Variants in ANK3 observed in about 807,000 individuals in gnomAD.
ANK3 encodes ankyrin 3.
Under a neutral mutation model 370.9 loss-of-function variants are expected in ANK3, and 57 were observed. That is an observed-to-expected ratio of 0.15 (90% CI 0.12 to 0.19). ANK3 has a LOEUF of 0.19. Ranked by LOEUF, ANK3 falls within the 10% of genes least tolerant of loss-of-function variation. The pLI, the probability that ANK3 is intolerant of heterozygous loss-of-function variation, is 1.00. For synonymous variants in ANK3, 1,929 were observed against 1,946.3 expected (o/e 0.99, Z 0.23); for missense variants, 4,439 against 5,302.1 (o/e 0.84, Z 5.06).
At chr10:60,465,789 C>CTT (rs1205787609) in intron 2 of ANK3, among the ~76,000 whole-genome samples, 481 of 109,694 alleles carry the variant, frequency 4.4e-3, no homozygotes, top group African/African-American at 0.015. Flanking sequence ...TTTTTTCTTT[C>CTT]TTTTTTTTTT....
At chr10:60,279,721 T>C in intron 1 of ANK3, 82 bp from the exon 2 acceptor site, 1 of 1,017,626 alleles carries the variant, frequency 9.8e-7, no homozygotes, top group South Asian at 1.5e-5. Context: ...AGGTCCAAAC[T>C]AAAATAATTG....
intron 2 of ANK3, among the ~76,000 whole-genome samples, chr10:60,589,906 A>G (rs1164057254): frequency 6.6e-6 from 1 of 152,110 alleles, no homozygotes; most frequent in East Asian, 1.9e-4. Context: ...CTTCCTTTCA[A>G]TTTCCACAAT....
At chr10:60,679,532 T>C (rs1319525533) in intron 1 of ANK3, among the ~76,000 whole-genome samples, 1 of 152,076 alleles carries the variant, frequency 6.6e-6, no homozygotes. Flanking sequence ...ATGACCTTCT[T>C]CTGGGAATGC....
chr10:60,116,572 A>G (rs2093101973), intron 25 of ANK3, among the ~76,000 whole-genome samples: 1 of 147,408 alleles, frequency 6.8e-6, no homozygotes, highest in South Asian at 2.2e-4. Flanking sequence ...TTTTACACCT[A>G]TGAAACAATA....
chr10:60,274,809 A>T (rs1341973419), intron 4 of ANK3, among the ~76,000 whole-genome samples: 1 of 152,222 alleles, frequency 6.6e-6, no homozygotes, highest in East Asian at 1.9e-4. Context: ...TAATTCAAGT[A>T]ACACCCCAAA....
chr10:60,586,750 T>C (rs546423656), intron 2 of ANK3, among the ~76,000 whole-genome samples: 3 of 152,330 alleles, frequency 2.0e-5, no homozygotes, highest in South Asian at 4.1e-4. Context: ...ACATGACTAA[T>C]TCTCACTAAT....
chr10:60,284,993 T>C (rs1431964843), intron 1 of ANK3, among the ~76,000 whole-genome samples: 3 of 151,854 alleles, frequency 2.0e-5, no homozygotes, highest in South Asian at 2.1e-4. Flanking sequence ...AAACCAAAAA[T>C]ACAAAAAAGT....
chr10:60,454,811 C>A (rs2064705223), intron 2 of ANK3, among the ~76,000 whole-genome samples: 1 of 152,184 alleles, frequency 6.6e-6, no homozygotes, highest in Admixed American at 6.6e-5. Flanking sequence ...TGGAAAAATT[C>A]AGTCACAAAA....
chr10:60,312,541 C>T lies in ANK3; in HGVS notation c.115-32902G>A, dbSNP rs117605046. On this transcript the variant is annotated intron_variant, in intron 1 of 43. Coordinates refer to ENST00000280772, the MANE Select transcript of ANK3 (RefSeq NM_020987.5). Reference sequence around the variant, plus strand: ...CATTGTCAAGTCATAGCAATTCTGTCTTGCCTTCCAACTATCAAACATTGA... The same window carrying T: ...CATTGTCAAGTCATAGCAATTCTGTTTTGCCTTCCAACTATCAAACATTGA... 2.0e-5 allele frequency among the ~76,000 whole-genome samples: 3 copies of T among 152,278 alleles called. No homozygotes were observed. The East Asian group carries it at 5.8e-4, about 29-fold the overall frequency.
chr10:60,546,905 G>A (rs994736849), intron 2 of ANK3, among the ~76,000 whole-genome samples: 1 of 151,956 alleles, frequency 6.6e-6, no homozygotes, highest in African/African-American at 2.4e-5. Context: ...ATTCCATAAG[G>A]TAGATAATAT....
intron 2 of ANK3, among the ~76,000 whole-genome samples, chr10:60,442,015 C>T (rs1434276005): frequency 6.6e-6 from 1 of 151,962 alleles, no homozygotes; most frequent in Non-Finnish European, 1.5e-5. Context: ...CCCCTGCAGA[C>T]CCCAAAATTC....
chr10:60,713,920 T>G (rs997211642), intron 1 of ANK3, among the ~76,000 whole-genome samples: 10 of 149,294 alleles, frequency 6.7e-5, no homozygotes, highest in African/African-American at 2.5e-4. Flanking sequence ...AAATTGAAAA[T>G]GGGAAATCGA....
intron 1 of ANK3, among the ~76,000 whole-genome samples, chr10:60,711,377 A>T (rs2079703591): frequency 6.8e-6 from 1 of 147,988 alleles, no homozygotes; most frequent in Non-Finnish European, 1.5e-5. Flanking sequence ...AAATTGAATA[A>T]AAATAAATAA....
chr10:60,071,488 G>T lies in ANK3; in HGVS notation c.9393C>A (p.Thr3131=). The T allele has an allele frequency of 6.2e-7, 1 of 1,613,784 alleles. No individual in the cohort carries two copies. Residue 3131 remains threonine (T), a synonymous_variant, in exon 37 of 44, where the codon ACC becomes ACA. Transcript: ENST00000280772. ...ECKTVQETRG[T]FYTTRQQKQP... Reference sequence around the variant, plus strand: ...GCTTTTGCTGTCTAGTTGTATAAAAGGTCCCCCTGGTTTCTTGTACTGTCT... The same window carrying T: ...GCTTTTGCTGTCTAGTTGTATAAAATGTCCCCCTGGTTTCTTGTACTGTCT...
rs551643246 is a variant in ANK3, at chr10:60,075,237, G to A, written c.5644C>T (p.Leu1882Phe). 6.2e-7 allele frequency: 1 copy of A among 1,614,162 alleles called. No homozygotes were observed. The highest frequency in any genetic ancestry group is 1.7e-5 in the Admixed American group (1 of 60,028). The change falls in exon 37 of 44, where the codon CTT becomes TTT. Residue 1882 changes from leucine to phenylalanine, a missense_variant. By Grantham distance (22) the Leu-to-Phe change is conservative. Around this residue, in one of 13 missense-constraint regions of ANK3, gnomAD observed 679 missense variants for 791.0 expected, o/e 0.86. Coordinates refer to ENST00000280772, the MANE Select transcript of ANK3 (RefSeq NM_020987.5). ...GACAACTTAAGGGCAGAGGGTGCAA[G>A]GAACAAAGATGACTTAACTGGAGAT... ...TSSPVKSSLF[L>F]APSALKLSTP...
chr10:60,697,107 C>A (rs1461003587), intron 1 of ANK3, among the ~76,000 whole-genome samples: 5 of 151,864 alleles, frequency 3.3e-5, no homozygotes, highest in African/African-American at 1.2e-4. Context: ...TATACACCAA[C>A]AACAGACAAA....
chr10:60,496,763 T>G (rs2075668513), intron 2 of ANK3, among the ~76,000 whole-genome samples: 1 of 151,276 alleles, frequency 6.6e-6, no homozygotes, highest in South Asian at 2.1e-4. Context: ...TCACCCTAAT[T>G]TACAAAGGAG....
intron 2 of ANK3, among the ~76,000 whole-genome samples, chr10:60,518,179 C>T: frequency 6.6e-6 from 1 of 152,118 alleles, no homozygotes; most frequent in East Asian, 1.9e-4. Flanking sequence ...TTCCATGCTG[C>T]CAGAAGTTTC....
chr10:60,558,109 C>T (rs1317390405), intron 2 of ANK3, among the ~76,000 whole-genome samples: 2 of 152,104 alleles, frequency 1.3e-5, no homozygotes, highest in South Asian at 2.1e-4. Flanking sequence ...ATGCAGCAAA[C>T]CCCACCTATT....
Sources: allele counts gnomAD v4.1 joint callset (sites outside exome capture counted in the v4.1 genomes callset), GRCh38; gene constraint gnomAD v4.1.1; regional missense constraint gnomAD v4.1.1; transcripts MANE v1.5; gene names NCBI Gene and HGNC (gene_info 2026-07-23, HGNC 2026-07-21).